The following SOX6 variants were observed in gnomAD, a reference collection of about 807,000 sequenced individuals.
SOX6 encodes SRY-box transcription factor 6.
A neutral mutation model predicts 97.8 loss-of-function variants in SOX6; 11 were observed. That is an observed-to-expected ratio of 0.11 (90% CI 0.07 to 0.19). SOX6 has a LOEUF of 0.19. Among genes scored for constraint, SOX6 ranks in the 10% least tolerant of loss-of-function variants. The probability of loss-of-function intolerance (pLI) is 1.00; values close to 1 mark genes in which losing one functional copy is unlikely to be tolerated. For missense variants in SOX6, 810 were observed against 1,039.5 expected, an observed-to-expected ratio of 0.78 and a Z score of 3.04; for synonymous variants, 360 against 371.4, an observed-to-expected ratio of 0.97 and a Z score of 0.35.
intron 9 of SOX6, among the ~76,000 whole-genome samples, chr11:16,062,169 T>C (rs1475363327): frequency 2.0e-5 from 3 of 151,668 alleles, no homozygotes; most frequent in Non-Finnish European, 4.4e-5. Flanking sequence ...ATTATACTGT[T>C]TGAGCCATAA....
intron 15 of SOX6, among the ~76,000 whole-genome samples, chr11:15,982,996 C>A (rs1853714624): frequency 6.6e-6 from 1 of 151,916 alleles, no homozygotes; most frequent in South Asian, 2.1e-4. Flanking sequence ...GGACACCACA[C>A]TCAGAATTGG....
intron 4 of SOX6, among the ~76,000 whole-genome samples, chr11:16,488,196 G>GTTACACTTACTGGATGT (rs1292006963): frequency 6.6e-6 from 1 of 152,116 alleles, no homozygotes; most frequent in Non-Finnish European, 1.5e-5. Flanking sequence ...TGTTTACTCT[G>GTTACACTTACTGGATGT]TGCCAGGCAC....
At chr11:16,255,603 C>T (rs1853657098) in intron 3 of SOX6, among the ~76,000 whole-genome samples, 1 of 151,936 alleles carries the variant, frequency 6.6e-6, no homozygotes, top group African/African-American at 2.4e-5. Flanking sequence ...GCAGTGAAAG[C>T]AGTGCTGAGA....
intron 4 of SOX6, among the ~76,000 whole-genome samples, chr11:16,201,622 A>ATTTTTTTTTTTTTTT (rs774189588): frequency 7.5e-6 from 1 of 133,690 alleles, no homozygotes. Flanking sequence ...TTTGCAAAGT[A>ATTTTTTTTTTTTTTT]TTTTTTTTTT....
At chr11:16,658,382 T>C (rs1207597016) in intron 3 of SOX6, among the ~76,000 whole-genome samples, 1 of 152,220 alleles carries the variant, frequency 6.6e-6, no homozygotes, top group Non-Finnish European at 1.5e-5. Context: ...GAATATGTTC[T>C]ATACTAATCC....
At chr11:16,223,237 G>C (rs1480449497) in intron 4 of SOX6, among the ~76,000 whole-genome samples, 8 of 152,048 alleles carry the variant, frequency 5.3e-5, no homozygotes, top group Admixed American at 3.9e-4. Context: ...CTAAATCAGT[G>C]ACCCCATTTC....
At chr11:16,269,694 G>A (rs1854190538) in intron 3 of SOX6, among the ~76,000 whole-genome samples, 1 of 150,792 alleles carries the variant, frequency 6.6e-6, no homozygotes, top group Non-Finnish European at 1.5e-5. Context: ...AATCTTCTTT[G>A]TTGCTACGGC....
intron 6 of SOX6, among the ~76,000 whole-genome samples, chr11:16,148,055 T>G (rs1850359261): frequency 1.3e-5 from 2 of 152,200 alleles, no homozygotes; most frequent in Admixed American, 1.3e-4. Flanking sequence ...CGATCTGTAA[T>G]AATTTTTATA....
intron 2 of SOX6, among the ~76,000 whole-genome samples, chr11:16,728,317 C>A (rs1470690866): frequency 6.6e-6 from 1 of 152,178 alleles, no homozygotes; most frequent in African/African-American, 2.4e-5. Context: ...ACAGACACCC[C>A]ACACAGGAGA....
chr11:16,302,566 C>CTTTTTTTTTTTTTTTTTTTTTTTTT (rs71044096), intron 3 of SOX6, among the ~76,000 whole-genome samples: 1 of 87,000 alleles, frequency 1.1e-5, no homozygotes, highest in Non-Finnish European at 2.1e-5. Context: ...TTCTTTTTTT[C>CTTTTTTTTTTTTTTTTTTTTTTTTT]TTTTTTTTTT....
chr11:16,080,010 T>C (rs1051534464), intron 9 of SOX6, among the ~76,000 whole-genome samples: 6 of 148,520 alleles, frequency 4.0e-5, no homozygotes, highest in Non-Finnish European at 5.9e-5. Flanking sequence ...CCTTGAAAAA[T>C]TCCTATAGCA....
At chr11:16,025,729 AT>A (rs201534991) in intron 12 of SOX6, among the ~76,000 whole-genome samples, 2 of 152,074 alleles carry the variant, frequency 1.3e-5, no homozygotes, top group African/African-American at 4.8e-5. Context: ...AAATTTGAAG[AT>A]TTTTTTCCCT....
At chr11:16,370,189 AT>A (rs1299328784) in intron 1 of SOX6, among the ~76,000 whole-genome samples, 1 of 151,300 alleles carries the variant, frequency 6.6e-6, no homozygotes, top group Non-Finnish European at 1.5e-5. Flanking sequence ...AAATTTTTCC[AT>A]TTTTTTCCAT....
At chr11:16,220,694 T>A (rs1331033659) in intron 4 of SOX6, among the ~76,000 whole-genome samples, 1 of 152,108 alleles carries the variant, frequency 6.6e-6, no homozygotes, top group Non-Finnish European at 1.5e-5. Context: ...ACCAAGAATC[T>A]ATCTTGTCAG....
At chr11:16,500,448 A>G (rs1860685078) in intron 4 of SOX6, among the ~76,000 whole-genome samples, 1 of 152,174 alleles carries the variant, frequency 6.6e-6, no homozygotes, top group Non-Finnish European at 1.5e-5. Context: ...GTAGTGTTGG[A>G]AGTTCTAGCC....
At chr11:16,226,070 G>A (rs574074238) in intron 4 of SOX6, among the ~76,000 whole-genome samples, 46 of 152,176 alleles carry the variant, frequency 3.0e-4, no homozygotes, top group Non-Finnish European at 5.3e-4. Flanking sequence ...ACTGTAATAA[G>A]TAACAGTTTT....
intron 4 of SOX6, among the ~76,000 whole-genome samples, chr11:16,577,801 A>C (rs960479274): frequency 2.6e-5 from 4 of 152,122 alleles, no homozygotes; most frequent in Non-Finnish European, 5.9e-5. Flanking sequence ...GAGTTGTAAT[A>C]GTTCTTAATA....
At chr11:16,708,830 C>T (rs1295382073) in intron 3 of SOX6, among the ~76,000 whole-genome samples, 2 of 152,064 alleles carry the variant, frequency 1.3e-5, no homozygotes, top group Non-Finnish European at 2.9e-5. Flanking sequence ...TTTTTCTCCC[C>T]AGAATAATAA....
intron 3 of SOX6, among the ~76,000 whole-genome samples, chr11:16,628,880 TG>T (rs1206326380): frequency 2.0e-5 from 3 of 152,072 alleles, no homozygotes; most frequent in Non-Finnish European, 4.4e-5. Context: ...ATATGACTAC[TG>T]TAAGTGGCTC....
Sources: gnomAD v4.1 joint callset for allele counts (sites outside exome capture counted in the v4.1 genomes callset) on GRCh38, gnomAD v4.1.1 for gene constraint, MANE v1.5 for transcripts, NCBI Gene and HGNC (gene_info 2026-07-23, HGNC 2026-07-21) for gene names.